Variants in DYM observed in about 807,000 individuals in gnomAD.
The protein encoded by DYM is dyggve-Melchior-Clausen syndrome protein.
Under a neutral mutation model 93.1 loss-of-function variants are expected in DYM, and 78 were observed. The observed-to-expected ratio is 0.84, with a 90% CI of 0.70 to 1.01. The LOEUF is 1.01. DYM is among the 50% of genes least tolerant of loss of function. The pLI is 0.00. For missense variants in DYM, 789 were observed against 845.0 expected, an observed-to-expected ratio of 0.93 and a Z score of 0.82; for synonymous variants, 321 against 319.7, an observed-to-expected ratio of 1.00 and a Z score of -0.04.
At chr18:49,225,986 A>G (rs1266059944) in intron 13 of DYM, among the ~76,000 whole-genome samples, 1 of 152,112 alleles carries the variant, frequency 6.6e-6, no homozygotes, top group Non-Finnish European at 1.5e-5. Context: ...GACAAATTTT[A>G]TTTCCAACAA....
chr18:49,133,302 T>C (rs1019453342), intron 15 of DYM, among the ~76,000 whole-genome samples: 3 of 152,234 alleles, frequency 2.0e-5, no homozygotes, highest in Non-Finnish European at 4.4e-5. Flanking sequence ...ACTTTGTGGA[T>C]GTCTATTGCA....
At chr18:49,051,089 C>T (rs1002033799) in intron 17 of DYM, among the ~76,000 whole-genome samples, 12 of 152,202 alleles carry the variant, frequency 7.9e-5, no homozygotes, top group Non-Finnish European at 1.5e-4. Context: ...AAGCTCAGGC[C>T]TTTCCTCTGG....
intron 2 of DYM, among the ~76,000 whole-genome samples, chr18:49,404,161 C>A (rs1351870164): frequency 6.6e-6 from 1 of 152,126 alleles, no homozygotes; most frequent in East Asian, 1.9e-4. Flanking sequence ...GTGTATGCCA[C>A]CACACCTGGC....
At chr18:49,357,869 G>T (rs549561165) in intron 6 of DYM, among the ~76,000 whole-genome samples, 96 of 152,286 alleles carry the variant, frequency 6.3e-4, no homozygotes, top group South Asian at 4.8e-3. Flanking sequence ...CAAAAAACAG[G>T]CCAGGTGTGG....
At chr18:49,388,274 G>A (rs2068829451) in intron 3 of DYM, among the ~76,000 whole-genome samples, 1 of 152,102 alleles carries the variant, frequency 6.6e-6, no homozygotes, top group South Asian at 2.1e-4. Flanking sequence ...AGGTTGCAGT[G>A]AGCGGTGATA....
At chr18:49,295,276 T>C (rs562009) in intron 8 of DYM, among the ~76,000 whole-genome samples, 89,252 of 152,040 alleles carry the variant, frequency 0.59, 26,819 homozygotes, top group Non-Finnish European at 0.66. Context: ...TTGACCTCCA[T>C]ACCATGCTCC....
intron 2 of DYM, among the ~76,000 whole-genome samples, chr18:49,394,657 G>A (rs771943829): frequency 8.6e-5 from 13 of 152,036 alleles, no homozygotes; most frequent in South Asian, 4.1e-4. Context: ...CTTCCGATAC[G>A]TAACAAGGGA....
chr18:49,163,713 C>T lies in DYM; in HGVS notation c.1700G>A (p.Ser567Asn), dbSNP rs778888945. ...QATQSLRGSL[S>N]SNDVPLPDYA... ...ATCTGGTAGAGGAACATCATTAGAA[C>T]TCAGCGAACCTCTCAAGGACTGTGT... Residue 567 changes from serine to asparagine, a missense_variant, in exon 15 of 18, where the codon AGT (serine) becomes AAT (asparagine). Around this residue, in one of 3 missense-constraint regions of DYM, gnomAD observed 225 missense variants for 303.0 expected, o/e 0.74. Coordinates refer to ENST00000675505, the MANE Select transcript of DYM (RefSeq NM_001353214.3). 1.1e-5 allele frequency: 18 copies of T among 1,612,444 alleles called. 2 individuals carry two copies. In the South Asian group the frequency reaches 1.9e-4, roughly 17 times the overall value.
intron 6 of DYM, among the ~76,000 whole-genome samples, chr18:49,348,029 AG>A (rs1402940986): frequency 6.6e-6 from 1 of 152,260 alleles, no homozygotes; most frequent in Non-Finnish European, 1.5e-5. Flanking sequence ...TTTCATGTGA[AG>A]AAAAAGAGAC....
intron 16 of DYM, among the ~76,000 whole-genome samples, chr18:49,108,383 G>A (rs1019592399): frequency 6.6e-6 from 1 of 152,194 alleles, no homozygotes; most frequent in African/African-American, 2.4e-5. Context: ...CCCTGCTTCG[G>A]CTCACGCGCA....
chr18:49,221,733 A>C (rs1308006212), intron 13 of DYM, among the ~76,000 whole-genome samples: 6 of 152,104 alleles, frequency 3.9e-5, no homozygotes, highest in Non-Finnish European at 7.4e-5. Flanking sequence ...AGGAAGGGGA[A>C]CATCACACTC....
At chr18:49,334,066 T>G (rs1248954436) in intron 6 of DYM, among the ~76,000 whole-genome samples, 1 of 152,248 alleles carries the variant, frequency 6.6e-6, no homozygotes, top group Non-Finnish European at 1.5e-5. Flanking sequence ...TAGTTATCCC[T>G]TTATTTCCCT....
At chr18:49,188,381 T>C (rs945998333) in intron 14 of DYM, among the ~76,000 whole-genome samples, 5 of 152,166 alleles carry the variant, frequency 3.3e-5, no homozygotes, top group African/African-American at 1.2e-4. Context: ...ATATTCTTAA[T>C]ATACCTTGTC....
intron 5 of DYM, among the ~76,000 whole-genome samples, chr18:49,364,245 G>A (rs566251213): frequency 6.6e-6 from 1 of 152,104 alleles, no homozygotes; most frequent in Non-Finnish European, 1.5e-5. Flanking sequence ...AGGAGTTCGA[G>A]ACCAGCCTGG....
At chr18:49,317,879 A>G (rs1275807533) in intron 8 of DYM, among the ~76,000 whole-genome samples, 1 of 151,876 alleles carries the variant, frequency 6.6e-6, no homozygotes, top group Non-Finnish European at 1.5e-5. Flanking sequence ...CTCTCTGCTA[A>G]TGCACTGAGG....
At chr18:49,455,728 G>C (rs1266842633) in intron 1 of DYM, among the ~76,000 whole-genome samples, 1 of 152,122 alleles carries the variant, frequency 6.6e-6, no homozygotes, top group Non-Finnish European at 1.5e-5. Context: ...GAGGTGGGTG[G>C]ATCACCTGAG....
intron 16 of DYM, among the ~76,000 whole-genome samples, chr18:49,101,831 T>C (rs1242841761): frequency 6.6e-6 from 1 of 152,152 alleles, no homozygotes; most frequent in East Asian, 1.9e-4. Flanking sequence ...CCATTTTCTC[T>C]CTTGAAGAAA....
Position 49,394,293 on chromosome 18 carries a change from T to C in DYM, c.141-2648A>G, listed in dbSNP as rs1453394038. On this transcript the variant is annotated intron_variant, in intron 2 of 17. Transcript: ENST00000675505. Reference sequence around the variant, plus strand: ...AGTAACAGTACCTTCATAAGGTTATTATGATTAAATTAATTATATGATATC... The same window carrying C: ...AGTAACAGTACCTTCATAAGGTTATCATGATTAAATTAATTATATGATATC... 2.0e-5 allele frequency among the ~76,000 whole-genome samples: 3 copies of C among 152,170 alleles called. No individual in the cohort carries two copies. The South Asian group carries it at 6.2e-4, about 32-fold the overall frequency.
At chr18:49,338,314 C>A (rs941567764) in intron 6 of DYM, among the ~76,000 whole-genome samples, 2 of 152,122 alleles carry the variant, frequency 1.3e-5, no homozygotes, top group Non-Finnish European at 2.9e-5. Context: ...ATGATCTGAA[C>A]AGAATGACAA....
Sources: gnomAD v4.1 joint callset for allele counts (sites outside exome capture counted in the v4.1 genomes callset) on GRCh38, gnomAD v4.1.1 for gene constraint, gnomAD v4.1.1 regional missense constraint, MANE v1.5 for transcripts, NCBI Gene and HGNC (gene_info 2026-07-23, HGNC 2026-07-21) for gene names.